GRM3: variants seen among roughly 807,000 people sequenced by gnomAD.
The protein encoded by GRM3 is metabotropic glutamate receptor 3.
In GRM3, 26 loss-of-function variants were observed where a neutral mutation model predicts 70.5. The observed-to-expected ratio is 0.37, with a 90% CI of 0.27 to 0.51. The LOEUF (loss-of-function observed/expected upper bound fraction) is 0.51. Ranked by LOEUF, GRM3 falls within the 20% of genes least tolerant of loss-of-function variation. GRM3 has a pLI of 0.93. For missense variants in GRM3, 859 were observed against 1,123.8 expected (o/e 0.76, Z 3.37); for synonymous variants, 443 against 434.9 (o/e 1.02, Z -0.23).
At chr7:86,710,710 C>T (rs1184932255) in intron 1 of GRM3, among the ~76,000 whole-genome samples, 1 of 151,964 alleles carries the variant, frequency 6.6e-6, no homozygotes, top group East Asian at 1.9e-4. Flanking sequence ...TAATTCCCAA[C>T]TCTAGTAAAC....
intron 1 of GRM3, among the ~76,000 whole-genome samples, chr7:86,756,323 C>T (rs1796343294): frequency 6.6e-6 from 1 of 152,060 alleles, no homozygotes; most frequent in African/African-American, 2.4e-5. Flanking sequence ...AAGTGATCCA[C>T]CCACCTTGGC....
chr7:86,693,422 C>A (rs1321540670), intron 1 of GRM3, among the ~76,000 whole-genome samples: 1 of 152,134 alleles, frequency 6.6e-6, no homozygotes, highest in Non-Finnish European at 1.5e-5. Flanking sequence ...AAGTAGGAAG[C>A]TTTAACATGA....
intron 2 of GRM3, among the ~76,000 whole-genome samples, chr7:86,785,009 T>A (rs775187053): frequency 5.3e-5 from 8 of 152,216 alleles, no homozygotes; most frequent in Admixed American, 5.2e-4. Flanking sequence ...TCAGTTGTTT[T>A]ATGTTGCTTG....
At chr7:86,768,839 G>A (rs1378285960) in intron 2 of GRM3, among the ~76,000 whole-genome samples, 1 of 152,042 alleles carries the variant, frequency 6.6e-6, no homozygotes, top group African/African-American at 2.4e-5. Flanking sequence ...GAGCAATTAG[G>A]CTATACACTG....
rs141184190 is a variant in GRM3, at chr7:86,841,320, T to C, written c.2391+1415T>C. On this transcript the variant is annotated intron_variant, in intron 4 of 5. Transcript: ENST00000361669. ...GAACAATAAAGATGAAGAAGGTAAG[T>C]TCAATGTTGTGGGGCAAGACTACCT... 3.3e-5 allele frequency among the ~76,000 whole-genome samples: 5 copies of C among 152,236 alleles called. No individual in the cohort carries two copies. The East Asian group carries it at 9.7e-4, about 29-fold the overall frequency.
At chr7:86,680,863 A>C (rs957625605) in intron 1 of GRM3, among the ~76,000 whole-genome samples, 6 of 152,056 alleles carry the variant, frequency 3.9e-5, no homozygotes, top group African/African-American at 1.4e-4. Flanking sequence ...GACCTCTCAC[A>C]ATTCCTAAAT....
chr7:86,824,212 C>T (rs1798186708), intron 3 of GRM3, among the ~76,000 whole-genome samples: 1 of 152,110 alleles, frequency 6.6e-6, no homozygotes, highest in Non-Finnish European at 1.5e-5. Context: ...TGCTGCTTCT[C>T]TGAGGGGAAG....
At chr7:86,772,040 C>T (rs1040090736) in intron 2 of GRM3, among the ~76,000 whole-genome samples, 2 of 152,054 alleles carry the variant, frequency 1.3e-5, no homozygotes, top group Admixed American at 6.6e-5. Context: ...CATGTACATG[C>T]CCCTCCATTA....
intron 1 of GRM3, among the ~76,000 whole-genome samples, chr7:86,760,950 G>A (rs548280858): frequency 9.7e-4 from 148 of 152,158 alleles, no homozygotes; most frequent in African/African-American, 3.4e-3. Context: ...AACACATGTA[G>A]TATGAATAAA....
At chr7:86,675,701 C>A (rs1017732074) in intron 1 of GRM3, among the ~76,000 whole-genome samples, 1 of 151,960 alleles carries the variant, frequency 6.6e-6, no homozygotes, top group African/African-American at 2.4e-5. Flanking sequence ...GTTTGTCTTC[C>A]CCATTTTCTA....
At chr7:86,725,595 G>A (rs1795573964) in intron 1 of GRM3, among the ~76,000 whole-genome samples, 1 of 152,142 alleles carries the variant, frequency 6.6e-6, no homozygotes, top group Non-Finnish European at 1.5e-5. Context: ...CAGCAGCAAA[G>A]TCTCATTGTA....
intron 1 of GRM3, among the ~76,000 whole-genome samples, chr7:86,695,441 T>A (rs1794793990): frequency 6.6e-6 from 1 of 152,162 alleles, no homozygotes; most frequent in South Asian, 2.1e-4. Context: ...GGGAATAGGA[T>A]AAAGAGGCCT....
Position 86,824,496 on chromosome 7 carries a change from A to G in GRM3, c.1325-14343A>G, listed in dbSNP as rs77076542. Reference sequence around the variant, plus strand: ...TCCTGAGGGGGGTAACATATACAGTATGTAGTACTTGGATGAGAATTTGTT... The same window carrying G: ...TCCTGAGGGGGGTAACATATACAGTGTGTAGTACTTGGATGAGAATTTGTT... On this transcript the variant is annotated intron_variant, in intron 3 of 5. Coordinates refer to ENST00000361669, the MANE Select transcript of GRM3 (RefSeq NM_000840.3). 5.2e-3 allele frequency among the ~76,000 whole-genome samples: 794 copies of G among 152,300 alleles called. 4 individuals are homozygous for G. Among genetic ancestry groups the G allele is most frequent in the Non-Finnish European group, 7.9e-3 (536 of 68,028 alleles).
chr7:86,646,169 T>G (rs1453125536), intron 1 of GRM3, among the ~76,000 whole-genome samples: 1 of 152,158 alleles, frequency 6.6e-6, no homozygotes, highest in Non-Finnish European at 1.5e-5. Context: ...TGGATAACAG[T>G]TCCTAACAAA....
intron 3 of GRM3, among the ~76,000 whole-genome samples, chr7:86,820,187 A>G (rs572529064): frequency 3.9e-5 from 6 of 152,172 alleles, no homozygotes; most frequent in Non-Finnish European, 8.8e-5. Flanking sequence ...TATAGAAAGG[A>G]TGTCAATATT....
chr7:86,786,244 TCTTCTCCCTC>T lies in GRM3; in HGVS notation c.469-15_469-6del. ...CCTCGGGGTTTCTAACAAAGGTCCT[TCTTCTCCCTC>T]CCCTAGGTGGCAAACCTGCTGCGGC... On this transcript the variant is annotated splice_region_variant and splice_polypyrimidine_tract_variant and intron_variant, in intron 2 of 5. Coordinates refer to ENST00000361669, the MANE Select transcript of GRM3 (RefSeq NM_000840.3). The surrounding 1 kb of genome is among the most constrained non-coding windows in gnomAD (Gnocchi z 6.0). The T allele has an allele frequency of 1.9e-6, 3 of 1,597,758 alleles. No individual in the cohort carries two copies. Among genetic ancestry groups the T allele is most frequent in the Non-Finnish European group, 2.6e-6 (3 of 1,171,160 alleles).
intron 1 of GRM3, among the ~76,000 whole-genome samples, chr7:86,665,671 T>C (rs1298454051): frequency 6.6e-6 from 1 of 152,072 alleles, no homozygotes; most frequent in Non-Finnish European, 1.5e-5. Context: ...AACCATATGT[T>C]ATACTTCTTC....
At chr7:86,654,506 C>T (rs1352498690) in intron 1 of GRM3, among the ~76,000 whole-genome samples, 6 of 152,130 alleles carry the variant, frequency 3.9e-5, no homozygotes, top group Non-Finnish European at 8.8e-5. Flanking sequence ...ACACAGCAGT[C>T]TCTACGTATC....
chr7:86,789,392 T>A (rs1797350633), intron 3 of GRM3, among the ~76,000 whole-genome samples: 1 of 152,202 alleles, frequency 6.6e-6, no homozygotes, highest in African/African-American at 2.4e-5. Flanking sequence ...GAATGCAGAT[T>A]TTAGCTTACA....
Sources: gnomAD v4.1 joint callset for allele counts (sites outside exome capture counted in the v4.1 genomes callset) on GRCh38, gnomAD v4.1.1 for gene constraint, Gnocchi (gnomAD v3.1) non-coding constraint, MANE v1.5 for transcripts, NCBI Gene and HGNC (gene_info 2026-07-23, HGNC 2026-07-21) for gene names.